CPNE4: variants seen among roughly 807,000 people sequenced by gnomAD.
The protein encoded by CPNE4 is copine 4.
CPNE4 carries 25 observed loss-of-function variants against 67.9 expected under a neutral mutation model. That is an observed-to-expected ratio of 0.37 (90% CI 0.27 to 0.51). The LOEUF is 0.51. Ranked by LOEUF, CPNE4 falls within the 20% of genes least tolerant of loss-of-function variation. The pLI is 0.93. For synonymous variants in CPNE4, 242 were observed against 244.9 expected (o/e 0.99, Z 0.11); for missense variants, 464 against 690.8 (o/e 0.67, Z 3.68).
intron 6 of CPNE4, among the ~76,000 whole-genome samples, chr3:131,680,836 C>A (rs1270500888): frequency 5.3e-5 from 8 of 152,106 alleles, no homozygotes; most frequent in Non-Finnish European, 4.4e-5. Context: ...ACCCTTTCCC[C>A]TGCGTCCCCA....
At chr3:131,678,755 T>C (rs1012556404) in intron 6 of CPNE4, among the ~76,000 whole-genome samples, 1 of 152,238 alleles carries the variant, frequency 6.6e-6, no homozygotes, top group Non-Finnish European at 1.5e-5. Context: ...TTTGCCTACA[T>C]TGAACCAACC....
intron 6 of CPNE4, among the ~76,000 whole-genome samples, chr3:131,677,533 T>G (rs2080612786): frequency 2.6e-5 from 4 of 152,218 alleles, no homozygotes; most frequent in Admixed American, 2.6e-4. Context: ...TGGTATTGCC[T>G]AGGTTGTCTT....
intron 2 of CPNE4, among the ~76,000 whole-genome samples, chr3:131,793,738 C>T (rs532492091): frequency 2.0e-5 from 3 of 152,308 alleles, no homozygotes; most frequent in East Asian, 3.9e-4. Context: ...CTTCTCATCA[C>T]CCAGGTCTCC....
chr3:131,721,906 A>G (rs1241727492), intron 3 of CPNE4, among the ~76,000 whole-genome samples: 6 of 152,216 alleles, frequency 3.9e-5, no homozygotes, highest in Non-Finnish European at 1.5e-5. Context: ...AGATCCTTTG[A>G]ACTATCTGCC....
At chr3:131,805,373 T>C (rs2084270460) in intron 2 of CPNE4, among the ~76,000 whole-genome samples, 1 of 152,186 alleles carries the variant, frequency 6.6e-6, no homozygotes. Context: ...AAGCCAGTGA[T>C]TTCAACAATT....
chr3:131,537,052 A>G (rs1441180327), intron 15 of CPNE4, among the ~76,000 whole-genome samples: 5 of 152,138 alleles, frequency 3.3e-5, no homozygotes, highest in African/African-American at 1.2e-4. Flanking sequence ...CTTCAACAAT[A>G]CAAGAGTTTA....
At chr3:132,000,505 A>G (rs1299669379) in intron 1 of CPNE4, among the ~76,000 whole-genome samples, 1 of 141,998 alleles carries the variant, frequency 7.0e-6, no homozygotes, top group Non-Finnish European at 1.5e-5. Flanking sequence ...AATAAATAAT[A>G]AATAAATAAA....
intron 1 of CPNE4, among the ~76,000 whole-genome samples, chr3:132,006,367 T>A (rs977910030): frequency 6.6e-6 from 1 of 152,052 alleles, no homozygotes; most frequent in African/African-American, 2.4e-5. Flanking sequence ...ATCAAGCATA[T>A]AACTTGAAAA....
At chr3:131,748,339 A>C (rs996325285) in intron 2 of CPNE4, among the ~76,000 whole-genome samples, 1 of 152,022 alleles carries the variant, frequency 6.6e-6, no homozygotes, top group African/African-American at 2.4e-5. Flanking sequence ...TTTTTATATA[A>C]TGCTGAATTC....
At chr3:131,825,291 T>C (rs1343848892) in intron 2 of CPNE4, among the ~76,000 whole-genome samples, 1 of 151,110 alleles carries the variant, frequency 6.6e-6, no homozygotes, top group African/African-American at 2.4e-5. Flanking sequence ...AGGTCAGGAG[T>C]TCAAGACCAG....
At chr3:131,645,299 T>C (rs531560228) in intron 7 of CPNE4, among the ~76,000 whole-genome samples, 10 of 152,354 alleles carry the variant, frequency 6.6e-5, no homozygotes, top group African/African-American at 2.4e-4. Context: ...GGCCATTTTT[T>C]TTTCTTGGAA....
chr3:131,588,222 A>G (rs1938309603), intron 7 of CPNE4, among the ~76,000 whole-genome samples: 1 of 152,192 alleles, frequency 6.6e-6, no homozygotes, highest in Non-Finnish European at 1.5e-5. Context: ...CCCATCACAC[A>G]CAAGATGCAA....
intron 3 of CPNE4, among the ~76,000 whole-genome samples, chr3:131,708,122 G>A (rs1053602909): frequency 6.6e-6 from 1 of 152,014 alleles, no homozygotes; most frequent in Non-Finnish European, 1.5e-5. Flanking sequence ...GGTGAAAAGG[G>A]GTGGATAGTA....
chr3:131,850,300 G>A (rs1371752643), intron 2 of CPNE4, among the ~76,000 whole-genome samples: 2 of 152,094 alleles, frequency 1.3e-5, no homozygotes. Flanking sequence ...CTATGGGGAT[G>A]ATGTCTATAG....
intron 8 of CPNE4, 109 bp downstream of exon 8, chr3:131,587,375 A>G (rs1938253763): frequency 4.1e-6 from 3 of 727,702 alleles, no homozygotes; most frequent in South Asian, 3.3e-5. Flanking sequence ...CCTTCTTATC[A>G]CACTTAATCA....
chr3:131,898,000 G>C (rs1365493663), intron 2 of CPNE4, among the ~76,000 whole-genome samples: 1 of 151,978 alleles, frequency 6.6e-6, no homozygotes, highest in Admixed American at 6.6e-5. Flanking sequence ...AAGTGCTTAG[G>C]AGAGTACCTG....
chr3:132,021,774 A>G (rs1274710853), intron 1 of CPNE4, among the ~76,000 whole-genome samples: 2 of 152,206 alleles, frequency 1.3e-5, no homozygotes, highest in African/African-American at 4.8e-5. Context: ...ATAGAAGTTA[A>G]AAATGTATGT....
chr3:131,978,314 ATATATT>A (rs1315216538), intron 1 of CPNE4, among the ~76,000 whole-genome samples: 1 of 822 alleles, frequency 1.2e-3, no homozygotes, highest in African/African-American at 0.016. Flanking sequence ...ATATATTTAT[ATATATT>A]TATATATTTA....
chr3:131,698,608 T>TAAAAA (rs556686311), intron 4 of CPNE4, among the ~76,000 whole-genome samples: 45 of 137,838 alleles, frequency 3.3e-4, no homozygotes, highest in African/African-American at 1.2e-3. Flanking sequence ...TTCCTGTGCT[T>TAAAAA]AAAAAAAAAA....
Sources: gnomAD v4.1 joint callset for allele counts (sites outside exome capture counted in the v4.1 genomes callset) on GRCh38, gnomAD v4.1.1 for gene constraint, MANE v1.5 for transcripts, NCBI Gene and HGNC (gene_info 2026-07-23, HGNC 2026-07-21) for gene names.